LRTM3: variants seen among roughly 807,000 people sequenced by gnomAD.
LRTM3 encodes the protein leucine-rich repeat transmembrane protein 3.
At chr13:102,737,995 C>T in the LRTM3 span, 2 of 1,550,846 alleles carry the variant, frequency 1.3e-6, no homozygotes, top group Admixed American at 3.9e-5. Context: ...GATCCATTTT[C>T]CCTTGCTCTT....
the LRTM3 span, among the ~76,000 whole-genome samples, chr13:102,755,990 C>T: frequency 7.4e-6 from 1 of 134,942 alleles, no homozygotes; most frequent in African/African-American, 2.7e-5. Context: ...GAGCTGGAGT[C>T]GCTTCGTCTC....
the LRTM3 span, chr13:102,743,832 C>CT: frequency 6.5e-7 from 1 of 1,549,732 alleles, no homozygotes; most frequent in East Asian, 2.4e-5. Context: ...AATATAATTT[C>CT]TTTTTCTGAT....
At chr13:102,754,973 A>G in the LRTM3 span, among the ~76,000 whole-genome samples, 1 of 152,212 alleles carries the variant, frequency 6.6e-6, no homozygotes, top group Non-Finnish European at 1.5e-5. Context: ...TAAGCTTTGA[A>G]AGTCAGGTGG....
chr13:102,746,608 C>T, the LRTM3 span: 14 of 1,551,030 alleles, frequency 9.0e-6, no homozygotes, highest in Non-Finnish European at 1.2e-5. Flanking sequence ...CACATTTGGG[C>T]TTCGCTGTAC....
At chr13:102,736,605 C>A in the LRTM3 span, 1 of 1,551,042 alleles carries the variant, frequency 6.4e-7, no homozygotes, top group Non-Finnish European at 8.7e-7. Flanking sequence ...GAAGAAGTGA[C>A]AAAAGGACAA....
chr13:102,754,573 C>A, the LRTM3 span, among the ~76,000 whole-genome samples: 3 of 152,148 alleles, frequency 2.0e-5, no homozygotes, highest in Non-Finnish European at 4.4e-5. Flanking sequence ...ATCCCTCATA[C>A]ACAAACCACT....
At chr13:102,745,916 C>G in the LRTM3 span, 1 of 1,551,120 alleles carries the variant, frequency 6.4e-7, no homozygotes. Context: ...ATTTGTACTT[C>G]CTGGTTGGTT....
chr13:102,753,504 AAAAAG>A, the LRTM3 span, among the ~76,000 whole-genome samples: 1 of 151,732 alleles, frequency 6.6e-6, no homozygotes, highest in Admixed American at 6.6e-5. Context: ...TAAAAAAAAA[AAAAAG>A]AAAAGAAAAA....
At chr13:102,756,033 C>G in the LRTM3 span, among the ~76,000 whole-genome samples, 1 of 149,772 alleles carries the variant, frequency 6.7e-6, no homozygotes, top group Admixed American at 6.7e-5. Context: ...AATCTCGTCT[C>G]ACTGCAACCT....
chr13:102,756,547 G>A, the LRTM3 span, among the ~76,000 whole-genome samples: 1 of 151,646 alleles, frequency 6.6e-6, no homozygotes, highest in Non-Finnish European at 1.5e-5. Context: ...GATGGTGGGT[G>A]CCTGTAATCC....
the LRTM3 span, chr13:102,738,668 G>C: frequency 6.5e-7 from 1 of 1,550,366 alleles, no homozygotes; most frequent in Non-Finnish European, 8.7e-7. Flanking sequence ...CTCTGTATCT[G>C]ATGACTCTTG....
the LRTM3 span, chr13:102,743,570 A>G: frequency 6.5e-7 from 1 of 1,549,912 alleles, no homozygotes; most frequent in Non-Finnish European, 8.7e-7. Flanking sequence ...TATTGTGTTT[A>G]TCTGGTTTTT....
chr13:102,741,807 T>C, the LRTM3 span: 1 of 1,550,464 alleles, frequency 6.4e-7, no homozygotes, highest in Non-Finnish European at 8.7e-7. Context: ...CTTTGTGCAA[T>C]GAGGAATTCA....
chr13:102,736,798 G>T, the LRTM3 span: 1 of 1,550,880 alleles, frequency 6.4e-7, no homozygotes, highest in African/African-American at 1.4e-5. Context: ...TATCCTTTTG[G>T]ATCTGGGCCA....
the LRTM3 span, chr13:102,748,452 C>T: frequency 2.6e-6 from 4 of 1,551,066 alleles, no homozygotes; most frequent in East Asian, 2.4e-5. Context: ...TGTGTATTTT[C>T]CCTTGGAAAG....
At chr13:102,737,691 G>C in the LRTM3 span, 17 of 1,550,420 alleles carry the variant, frequency 1.1e-5, no homozygotes, top group Non-Finnish European at 1.5e-5. Flanking sequence ...TCTTTCTGTT[G>C]CATGTAATCT....
the LRTM3 span, chr13:102,738,038 C>T: frequency 1.9e-6 from 3 of 1,550,194 alleles, no homozygotes; most frequent in African/African-American, 4.1e-5. Context: ...TTGTCCTGCA[C>T]CTCTTCTGTC....
At chr13:102,747,051 C>T in the LRTM3 span, 1 of 1,551,194 alleles carries the variant, frequency 6.4e-7, no homozygotes, top group Non-Finnish European at 8.7e-7. Context: ...TTGCAGCTAT[C>T]ATGCAGGACT....
At chr13:102,746,897 T>G in the LRTM3 span, 1 of 1,551,278 alleles carries the variant, frequency 6.4e-7, no homozygotes, top group Non-Finnish European at 8.7e-7. Context: ...TTGTGTTTTT[T>G]GAGTACTCTT....
Sources: allele counts gnomAD v4.1 joint callset (sites outside exome capture counted in the v4.1 genomes callset), GRCh38; gene constraint gnomAD v4.1.1; transcripts MANE v1.5; gene names NCBI Gene and HGNC (gene_info 2026-07-23, HGNC 2026-07-21).